The following XRCC5 variants were observed in gnomAD, a reference collection of about 807,000 sequenced individuals.
XRCC5 encodes DNA repair protein Ku80.
XRCC5 carries 12 observed loss-of-function variants against 95.7 expected under a neutral mutation model. That is an observed-to-expected ratio of 0.13 (90% CI 0.08 to 0.20). The LOEUF is 0.20. Ranked by LOEUF, XRCC5 falls within the 10% of genes least tolerant of loss-of-function variation. XRCC5 has a pLI of 1.00. For synonymous variants in XRCC5, 281 were observed against 290.3 expected (o/e 0.97, Z 0.33); for missense variants, 595 against 873.9 (o/e 0.68, Z 4.02).
intron 14 of XRCC5, chr2:216,156,763 C>T: frequency 1.9e-6 from 1 of 531,756 alleles, no homozygotes; most frequent in Non-Finnish European, 3.8e-6. Context: ...TCCATTGGAA[C>T]AAAGTCTATG....
chr2:216,172,653 T>C (rs1574477869), intron 16 of XRCC5, among the ~76,000 whole-genome samples: 1 of 152,072 alleles, frequency 6.6e-6, no homozygotes, highest in East Asian at 1.9e-4. Flanking sequence ...ATTTTTTTAA[T>C]AGAGACAGGG....
At chr2:216,182,646 G>C (rs1689411554) in intron 16 of XRCC5, among the ~76,000 whole-genome samples, 2 of 152,130 alleles carry the variant, frequency 1.3e-5, no homozygotes. Context: ...AAAGCTGAAA[G>C]ATATCATTTC....
intron 14 of XRCC5, chr2:216,156,361 G>C: frequency 2.8e-6 from 2 of 709,222 alleles, no homozygotes; most frequent in Non-Finnish European, 2.6e-6. Context: ...TTCTGCTGTT[G>C]TGGGGTCTTT....
chr2:216,117,567 A>T (rs113643852), intron 3 of XRCC5, 179 bp from the exon 4 acceptor site: 1 of 555,146 alleles, frequency 1.8e-6, no homozygotes, highest in Non-Finnish European at 3.2e-6. Flanking sequence ...ATATAGTTTG[A>T]TATATAGAAT....
At chr2:216,205,009 T>C (rs978545432) in intron 20 of XRCC5, among the ~76,000 whole-genome samples, 179 bp from the exon 21 acceptor site, 1 of 152,220 alleles carries the variant, frequency 6.6e-6, no homozygotes, top group African/African-American at 2.4e-5. Flanking sequence ...GACATTCTCA[T>C]TACTAAAATG....
At chr2:216,134,431 GT>G (rs780804346) in intron 10 of XRCC5, among the ~76,000 whole-genome samples, 29 of 125,458 alleles carry the variant, frequency 2.3e-4, no homozygotes, top group Non-Finnish European at 2.6e-4. Flanking sequence ...TTTTTTTTTT[GT>G]TTTTTTTTTT....
intron 8 of XRCC5, among the ~76,000 whole-genome samples, chr2:216,129,727 A>G (rs552920675): frequency 8.5e-5 from 13 of 152,278 alleles, no homozygotes; most frequent in African/African-American, 2.6e-4. Flanking sequence ...AGACTGGAGT[A>G]CAGTGGTGTG....
chr2:216,141,110 A>T lies in XRCC5; in HGVS notation c.1343-76A>T, dbSNP rs527680541. 2.3e-4 allele frequency: 351 copies of T among 1,559,524 alleles called. 2 individuals are homozygous for T. In the South Asian group the frequency reaches 2.8e-3, roughly 12 times the overall value. On this transcript the variant is annotated intron_variant, in intron 12 of 20. Coordinates refer to ENST00000392132, the MANE Select transcript of XRCC5 (RefSeq NM_021141.4). ...ATAACCTGCCAATATTGCCGTGGAT[A>T]TCTCTACGTAGAAAGCATTTGTTTT...
chr2:216,163,707 G>A (rs1688997351), intron 16 of XRCC5, among the ~76,000 whole-genome samples: 1 of 152,180 alleles, frequency 6.6e-6, no homozygotes, highest in Non-Finnish European at 1.5e-5. Context: ...GATCTACTGT[G>A]CTGTTGTCCA....
Position 216,180,724 on chromosome 2 carries a change from C to T in XRCC5, c.1835-9501C>T, listed in dbSNP as rs577020277. On this transcript the variant is annotated intron_variant, in intron 16 of 20. Coordinates refer to ENST00000392132, the MANE Select transcript of XRCC5 (RefSeq NM_021141.4). ...AAGGGCATTCTAAGGAAGGCAACCA[C>T]CTAAGTGATGGCGTGTCCTGATGTT... 3.7e-3 allele frequency among the ~76,000 whole-genome samples: 562 copies of T among 152,146 alleles called. 4 individuals carry two copies. Among genetic ancestry groups the T allele is most frequent in the South Asian group, 8.5e-3 (41 of 4,824 alleles).
At chr2:216,132,827 C>T (rs181558031) in intron 10 of XRCC5, among the ~76,000 whole-genome samples, 72 of 152,290 alleles carry the variant, frequency 4.7e-4, no homozygotes, top group African/African-American at 1.6e-3. Flanking sequence ...GCTGGTTTTT[C>T]TCTAGCTAAC....
intron 9 of XRCC5, chr2:216,131,306 G>A: frequency 1.0e-6 from 1 of 974,320 alleles, no homozygotes; most frequent in South Asian, 4.7e-5. Flanking sequence ...TTCTTGAGCT[G>A]GTATTATGGT....
At chr2:216,130,822 T>G (rs1696983856) in intron 8 of XRCC5, 53 bp from the exon 9 acceptor site, 3 of 1,238,790 alleles carry the variant, frequency 2.4e-6, no homozygotes, top group Admixed American at 4.2e-5. Flanking sequence ...AATTTCAGCT[T>G]GTAGAAAATG....
chr2:216,137,043 T>G (rs1374180693), intron 10 of XRCC5, 45 bp from the exon 11 acceptor site: 1 of 1,583,748 alleles, frequency 6.3e-7, no homozygotes, highest in African/African-American at 1.4e-5. Flanking sequence ...TTGTGAAAAC[T>G]CTCACATGTT....
At chr2:216,121,987 G>T in intron 5 of XRCC5, 75 bp from the exon 6 acceptor site, 7 of 1,282,568 alleles carry the variant, frequency 5.5e-6, no homozygotes, top group Non-Finnish European at 7.3e-6. Flanking sequence ...GTTGACTGAT[G>T]TGCTCATTTT....
In XRCC5 at chr2:216,192,749, T is replaced by G; in HGVS notation, c.2041+14T>G. 1 of 1,537,438 alleles carries G rather than the reference T, an allele frequency of 6.5e-7. No individual in the cohort carries two copies. The highest frequency in any genetic ancestry group is 8.7e-7 in the Non-Finnish European group (1 of 1,143,302). On this transcript the variant is annotated intron_variant, in intron 18 of 20. Transcript: ENST00000392132. ...TTGTTGTCCAGGGTAAGTTGTCATT[T>G]GCCTTTTTTTTTAAAAAGTATTTTT...
At chr2:216,141,121 GA>G in intron 12 of XRCC5, 64 bp from the exon 13 acceptor site, 1 of 1,591,006 alleles carries the variant, frequency 6.3e-7, no homozygotes. Flanking sequence ...TCTCTACGTA[GA>G]AAGCATTTGT....
At chr2:216,137,272 T>A (rs7597791) in intron 11 of XRCC5, 47 bp downstream of exon 11, 1 of 1,576,416 alleles carries the variant, frequency 6.3e-7, no homozygotes, top group African/African-American at 1.4e-5. Context: ...AGTTCCTTTA[T>A]TCTAAGCAGT....
In XRCC5 at chr2:216,109,545, A is replaced by T. The variant is rs41296890; in HGVS notation, c.21+88A>T. On this transcript the variant is annotated intron_variant, in intron 1 of 20. Coordinates refer to ENST00000392132, the MANE Select transcript of XRCC5 (RefSeq NM_021141.4). The stretch of plus-strand genomic sequence containing the variant: ...AAGCAGGAATCGTGGGATCGCGGTC[A>T]AGACAAAGAATGGGGCAAGAGAAGA... 2,118 of 1,572,236 alleles carry T rather than the reference A, an allele frequency of 1.3e-3. 17 individuals carry two copies. In the African/African-American group the frequency reaches 0.026, roughly 19 times the overall value.
Sources: gnomAD v4.1 joint callset for allele counts (sites outside exome capture counted in the v4.1 genomes callset) on GRCh38, gnomAD v4.1.1 for gene constraint, MANE v1.5 for transcripts, NCBI Gene and HGNC (gene_info 2026-07-23, HGNC 2026-07-21) for gene names.